SLC25A24: variants seen among roughly 807,000 people sequenced by gnomAD.
SLC25A24 encodes the protein mitochondrial adenyl nucleotide antiporter SLC25A24.
In SLC25A24, 49 loss-of-function variants were observed where a neutral mutation model predicts 60.7. That is an observed-to-expected ratio of 0.81 (90% CI 0.64 to 1.02). The LOEUF (loss-of-function observed/expected upper bound fraction) is 1.02, where lower values mean the gene tolerates loss of function less well. Ranked by LOEUF, SLC25A24 falls within the 50% of genes least tolerant of loss-of-function variation. The pLI is 0.00. For synonymous variants in SLC25A24, 202 were observed against 200.6 expected (o/e 1.01, Z -0.06); for missense variants, 564 against 586.3 (o/e 0.96, Z 0.39).
chr1:108,169,190 C>A (rs1178668586), intron 3 of SLC25A24, among the ~76,000 whole-genome samples: 1 of 152,178 alleles, frequency 6.6e-6, no homozygotes, highest in Admixed American at 6.5e-5. Flanking sequence ...TCTGTAGAAA[C>A]AGCACTGACT....
intron 1 of SLC25A24, among the ~76,000 whole-genome samples, chr1:108,197,635 C>G (rs1033261677): frequency 1.3e-5 from 2 of 152,152 alleles, no homozygotes; most frequent in Non-Finnish European, 2.9e-5. Flanking sequence ...GCCCAGATAA[C>G]TGGTAAAACA....
At chr1:108,150,293 A>T (rs1260285961) in intron 6 of SLC25A24, among the ~76,000 whole-genome samples, 2 of 152,174 alleles carry the variant, frequency 1.3e-5, no homozygotes, top group Non-Finnish European at 2.9e-5. Flanking sequence ...TTCAGGACAG[A>T]GCCAAAAAGT....
intron 1 of SLC25A24, among the ~76,000 whole-genome samples, chr1:108,187,927 G>GATATATAGATATATATATATATATAT (rs1553256779): frequency 2.3e-4 from 22 of 95,774 alleles, no homozygotes; most frequent in African/African-American, 7.5e-4. Context: ...AGACATTATA[G>GATATATAGATATATATATATATATAT]ATATATATAT....
In SLC25A24 at chr1:108,194,585, C is replaced by T. The variant is rs1417358111; in HGVS notation, c.183+5371G>A. ...GTTGAGAGTTTCATCTAATAAAAGG[C>T]AGGTAGTTTTGTTGAATAGCTCTTT... On this transcript the variant is annotated intron_variant, in intron 1 of 9. Transcript: ENST00000565488. 4.7e-5 allele frequency among the ~76,000 whole-genome samples: 6 copies of T among 128,246 alleles called. 1 individual carries two copies. Among genetic ancestry groups the T allele is most frequent in the African/African-American group, 1.6e-4 (6 of 36,598 alleles). 84.1% of individuals were successfully genotyped at this position (128,246 alleles called of 152,430 possible).
At position 108,143,632 on chromosome 1, in the gene SLC25A24, G is replaced by T. The variant is rs1373555825; in HGVS notation, c.1009C>A (p.His337Asn). The part of the protein sequence containing the change: ...IYDCAKKILK[H>N]EGLGAFYKGY... ...TTGTAAAAAGCTCCCAAGCCTTCAT[G>T]TTTCAAAATCTTCTTGGCACAATCA... Residue 337 changes from histidine (H) to asparagine (N), a missense_variant, in exon 8 of 10, where the codon CAT (histidine) becomes AAT (asparagine). Transcript: ENST00000565488. 1.2e-6 allele frequency: 2 copies of T among 1,613,560 alleles called. No homozygotes were observed. Among genetic ancestry groups the T allele is most frequent in the East Asian group, 4.5e-5 (2 of 44,858 alleles).
rs1450783533 is a variant in SLC25A24 at position 108,136,232 on chromosome 1, A to G, written c.*421T>C. On this transcript the variant is annotated 3_prime_UTR_variant, in exon 10 of 10. Coordinates refer to ENST00000565488, the MANE Select transcript of SLC25A24 (RefSeq NM_013386.5). ...ATTAATGGTTCTATAAGGAAATTTAAAGAAATCTATAAAGACATTCAAAAT... is the reference window on the plus strand; with the variant it reads ...ATTAATGGTTCTATAAGGAAATTTAGAGAAATCTATAAAGACATTCAAAAT... 6.5e-6 allele frequency: 1 copy of G among 153,232 alleles called. No individual in the cohort carries two copies. Among genetic ancestry groups the G allele is most frequent in the East Asian group, 1.9e-4 (1 of 5,212 alleles). 9.5% of individuals were successfully genotyped at this position (153,232 alleles called of 1,614,324 possible).
chr1:108,171,404 A>G (rs1558020182), intron 3 of SLC25A24, among the ~76,000 whole-genome samples: 1 of 152,120 alleles, frequency 6.6e-6, no homozygotes, highest in East Asian at 1.9e-4. Context: ...TTATTATCAT[A>G]TTCATGGATG....
intron 3 of SLC25A24, among the ~76,000 whole-genome samples, chr1:108,174,759 G>A (rs934246457): frequency 1.2e-4 from 18 of 152,170 alleles, no homozygotes; most frequent in Non-Finnish European, 8.8e-5. Flanking sequence ...CCCACTTCTT[G>A]CATTAGCATG....
At position 108,135,484 on chromosome 1, in the gene SLC25A24, G is replaced by T. The variant is rs1235434587; in HGVS notation, c.*1169C>A. The T allele has an allele frequency of 2.0e-5, 3 of 152,158 alleles. No homozygotes were observed. The highest frequency in any genetic ancestry group is 4.4e-5 in the Non-Finnish European group (3 of 67,980). 9.4% of individuals were successfully genotyped at this position (152,158 alleles called of 1,614,324 possible). A position where few individuals can be genotyped will look rare whatever the true frequency, so the allele number is the denominator to read the frequency against. ...AGAAAAGATAGTTGACTATAAAAATGGCTTTAGTAAAATAAAAAAATGCTC... is the reference window on the plus strand; with the variant it reads ...AGAAAAGATAGTTGACTATAAAAATTGCTTTAGTAAAATAAAAAAATGCTC... On this transcript the variant is annotated 3_prime_UTR_variant, in exon 10 of 10. Transcript: ENST00000565488.
chr1:108,170,281 T>A (rs1037676990), intron 3 of SLC25A24, among the ~76,000 whole-genome samples: 6 of 152,202 alleles, frequency 3.9e-5, no homozygotes, highest in Admixed American at 1.3e-4. Context: ...TTATAATTTA[T>A]GTCTGTAATT....
chr1:108,159,355 C>A (rs1324252579), intron 4 of SLC25A24, among the ~76,000 whole-genome samples: 2 of 151,970 alleles, frequency 1.3e-5, no homozygotes, highest in Non-Finnish European at 2.9e-5. Flanking sequence ...ACAACTTTTA[C>A]ACTTCCCTAT....
rs1558004257 is a variant in SLC25A24 at position 108,135,292 on chromosome 1, AG to A, written c.*1360del. 6.6e-6 allele frequency: 1 copy of A among 152,600 alleles called. No homozygotes were observed. Among genetic ancestry groups the A allele is most frequent in the Non-Finnish European group, 1.5e-5 (1 of 68,008 alleles). 9.5% of individuals were successfully genotyped at this position (152,600 alleles called of 1,614,324 possible). On this transcript the variant is annotated 3_prime_UTR_variant, in exon 10 of 10. Transcript: ENST00000565488. ...TTCTCTTTGGTTCAGAAAATAAAAG[AG>A]GTAGGTTCAAATAAAGAAAATGCCT...
intron 3 of SLC25A24, among the ~76,000 whole-genome samples, chr1:108,170,310 T>C (rs929336718): frequency 3.3e-5 from 5 of 152,306 alleles, no homozygotes; most frequent in East Asian, 1.9e-4. Context: ...TTTTAATGCA[T>C]AGTGGTCAGA....
rs1381965199 is a variant in SLC25A24 at position 108,140,827 on chromosome 1, A to T, written c.1099-1619T>A. ...ATCAGAACATATCACTACAAAAAAA[A>T]AAAAAAATCAACAAAACACAGAAGA... is the stretch of plus-strand genomic sequence containing the variant. On this transcript the variant is annotated intron_variant, in intron 8 of 9. Coordinates refer to ENST00000565488, the MANE Select transcript of SLC25A24 (RefSeq NM_013386.5). Among the ~76,000 whole-genome samples, 4 of 152,102 alleles carry T rather than the reference A, an allele frequency of 2.6e-5. No individual in the cohort carries two copies. The East Asian group carries it at 7.7e-4, about 29-fold the overall frequency.
intron 3 of SLC25A24, among the ~76,000 whole-genome samples, chr1:108,175,890 G>C (rs532963600): frequency 1.3e-5 from 2 of 152,132 alleles, no homozygotes; most frequent in African/African-American, 4.8e-5. Context: ...GACTGTTGAA[G>C]GGCATTCTCA....
chr1:108,167,831 G>A (rs749021049), intron 3 of SLC25A24, among the ~76,000 whole-genome samples: 9 of 152,094 alleles, frequency 5.9e-5, no homozygotes, highest in Non-Finnish European at 8.8e-5. Flanking sequence ...AAGAAATCCT[G>A]GCACCTCATT....
intron 1 of SLC25A24, among the ~76,000 whole-genome samples, chr1:108,188,923 C>T (rs757383153): frequency 2.6e-5 from 4 of 152,176 alleles, no homozygotes; most frequent in African/African-American, 4.8e-5. Flanking sequence ...GCTGTAACAT[C>T]ACCAAGTTAG....
chr1:108,198,311 G>A (rs891369078), intron 1 of SLC25A24, among the ~76,000 whole-genome samples: 2 of 152,198 alleles, frequency 1.3e-5, no homozygotes, highest in African/African-American at 2.4e-5. Context: ...GAATGAGCGA[G>A]GATGTGGAGA....
At chr1:108,172,406 A>G (rs893167905) in intron 3 of SLC25A24, among the ~76,000 whole-genome samples, 2 of 152,244 alleles carry the variant, frequency 1.3e-5, no homozygotes, top group Non-Finnish European at 2.9e-5. Flanking sequence ...TACAGACTGT[A>G]CAAGCATGGC....
Sources: allele counts gnomAD v4.1 joint callset (sites outside exome capture counted in the v4.1 genomes callset), GRCh38; gene constraint gnomAD v4.1.1; transcripts MANE v1.5; gene names NCBI Gene and HGNC (gene_info 2026-07-23, HGNC 2026-07-21).